The following CHRM3 variants were observed in gnomAD, a reference collection of about 807,000 sequenced individuals.
CHRM3 encodes muscarinic acetylcholine receptor M3.
CHRM3 carries 11 observed loss-of-function variants against 41.8 expected under a neutral mutation model. The ratio of observed to expected loss-of-function variants is 0.26; its 90% CI spans 0.17 to 0.44. CHRM3 has a LOEUF of 0.44. Among genes scored for constraint, CHRM3 ranks in the 20% least tolerant of loss-of-function variants. The pLI is 1.00. For missense variants in CHRM3, 571 were observed against 745.4 expected, an observed-to-expected ratio of 0.77 and a Z score of 2.72; for synonymous variants, 297 against 301.4, an observed-to-expected ratio of 0.99 and a Z score of 0.15.
chr1:239,839,305 A>G (rs1421672251), intron 6 of CHRM3, among the ~76,000 whole-genome samples: 2 of 152,216 alleles, frequency 1.3e-5, no homozygotes, highest in South Asian at 2.1e-4. Flanking sequence ...AGATGATTCA[A>G]TAGTGTGTTG....
intron 5 of CHRM3, among the ~76,000 whole-genome samples, chr1:239,690,965 C>T (rs914201544): frequency 2.7e-4 from 41 of 151,914 alleles, no homozygotes; most frequent in African/African-American, 1.9e-4. Context: ...ACCCCAGCTG[C>T]GGGTAGCAGA....
At chr1:239,876,460 A>G (rs1458849697) in intron 6 of CHRM3, among the ~76,000 whole-genome samples, 3 of 152,190 alleles carry the variant, frequency 2.0e-5, no homozygotes, top group African/African-American at 7.2e-5. Flanking sequence ...CCCTAACTGG[A>G]ACGTGGAAAG....
chr1:239,510,984 A>G (rs1668882023), intron 2 of CHRM3, among the ~76,000 whole-genome samples: 1 of 152,208 alleles, frequency 6.6e-6, no homozygotes, highest in South Asian at 2.1e-4. Context: ...AGACTACAGC[A>G]ACGACAGAAA....
chr1:239,672,820 A>T (rs1674513135), intron 4 of CHRM3, among the ~76,000 whole-genome samples: 1 of 152,072 alleles, frequency 6.6e-6, no homozygotes, highest in South Asian at 2.1e-4. Flanking sequence ...AAACTTAGGG[A>T]GTGCCTGTGT....
intron 5 of CHRM3, among the ~76,000 whole-genome samples, chr1:239,801,590 T>C (rs1240561313): frequency 2.0e-5 from 3 of 152,178 alleles, no homozygotes; most frequent in South Asian, 2.1e-4. Context: ...TCTAGGCTCA[T>C]AGAAAATCAA....
chr1:239,473,263 G>GAAAAAA (rs200627399), intron 1 of CHRM3, among the ~76,000 whole-genome samples: 2 of 80,498 alleles, frequency 2.5e-5, no homozygotes, highest in African/African-American at 8.0e-5. Flanking sequence ...AAGCATATTT[G>GAAAAAA]AAAAAAAAAA....
chr1:239,792,855 A>G (rs1669460928), intron 5 of CHRM3, among the ~76,000 whole-genome samples: 1 of 152,194 alleles, frequency 6.6e-6, no homozygotes, highest in Non-Finnish European at 1.5e-5. Context: ...TGAGTGACAC[A>G]TGTGTGATTT....
chr1:239,741,370 C>T (rs1312373235), intron 5 of CHRM3, among the ~76,000 whole-genome samples: 1 of 152,110 alleles, frequency 6.6e-6, no homozygotes, highest in East Asian at 1.9e-4. Flanking sequence ...TCCTGGCGTT[C>T]CTGAATACTT....
chr1:239,414,143 T>C (rs926363612), intron 1 of CHRM3, among the ~76,000 whole-genome samples: 4 of 152,208 alleles, frequency 2.6e-5, no homozygotes, highest in African/African-American at 9.7e-5. Context: ...TAAATGTGTT[T>C]GTGTCTGAAT....
intron 5 of CHRM3, among the ~76,000 whole-genome samples, chr1:239,687,787 A>G (rs1659293756): frequency 6.6e-6 from 1 of 152,140 alleles, no homozygotes; most frequent in South Asian, 2.1e-4. Context: ...TGCCTACAAT[A>G]CTCAGTATAG....
chr1:239,398,035 A>G (rs1179300033), intron 1 of CHRM3, among the ~76,000 whole-genome samples: 6 of 152,178 alleles, frequency 3.9e-5, no homozygotes, highest in East Asian at 1.9e-4. Flanking sequence ...TTTAAGAAAT[A>G]GTTCTGTTGT....
intron 1 of CHRM3, among the ~76,000 whole-genome samples, chr1:239,481,704 G>A (rs771999857): frequency 2.6e-5 from 4 of 152,186 alleles, no homozygotes; most frequent in Non-Finnish European, 4.4e-5. Context: ...TGTAGTGTGG[G>A]AGATGATATT....
intron 2 of CHRM3, among the ~76,000 whole-genome samples, chr1:239,493,688 A>G (rs1009796156): frequency 2.6e-5 from 4 of 152,220 alleles, no homozygotes; most frequent in Admixed American, 2.6e-4. Flanking sequence ...GGAACTACCT[A>G]TAAGGAAGAA....
rs188496920 is a variant in CHRM3 at position 239,867,893 on chromosome 1, C to G, written c.-19-39540C>G. 5.7e-4 allele frequency among the ~76,000 whole-genome samples: 87 copies of G among 152,248 alleles called. 4 individuals carry two copies. The highest frequency in any genetic ancestry group is 2.3e-3 in the South Asian group (11 of 4,814). On this transcript the variant is annotated intron_variant, in intron 6 of 6. Coordinates refer to ENST00000676153, the MANE Select transcript of CHRM3 (RefSeq NM_001375978.1). ...TGTAACTGGCAACAACCCCAGTCCC[C>G]GGAAGTGACAGGCACCAGATTTCTC...
chr1:239,658,311 T>C (rs1288113350), intron 4 of CHRM3, among the ~76,000 whole-genome samples: 1 of 152,214 alleles, frequency 6.6e-6, no homozygotes, highest in Non-Finnish European at 1.5e-5. Flanking sequence ...GTTGTATTTC[T>C]CATAATAACT....
intron 4 of CHRM3, among the ~76,000 whole-genome samples, chr1:239,670,771 A>ACC (rs3063600): frequency 0.11 from 16,714 of 150,294 alleles, 1,041 homozygotes; most frequent in South Asian, 0.23. Flanking sequence ...CAGGTGATCT[A>ACC]CCCCCCCCAC....
intron 5 of CHRM3, among the ~76,000 whole-genome samples, chr1:239,685,383 C>G (rs1659033684): frequency 6.6e-6 from 1 of 152,170 alleles, no homozygotes; most frequent in Admixed American, 6.5e-5. Context: ...CTATTAGTGG[C>G]AATTCATTGG....
At chr1:239,760,063 C>G (rs1386785582) in intron 5 of CHRM3, among the ~76,000 whole-genome samples, 2 of 149,048 alleles carry the variant, frequency 1.3e-5, no homozygotes, top group Non-Finnish European at 3.0e-5. Context: ...TACAGGCACC[C>G]GCCACCACAC....
chr1:239,902,814 T>C (rs2103022969), intron 6 of CHRM3, among the ~76,000 whole-genome samples: 1 of 152,336 alleles, frequency 6.6e-6, no homozygotes, highest in South Asian at 2.1e-4. Context: ...TTGTATCACA[T>C]GGGTAAGCAA....
Sources: gnomAD v4.1 joint callset for allele counts (sites outside exome capture counted in the v4.1 genomes callset) on GRCh38, gnomAD v4.1.1 for gene constraint, MANE v1.5 for transcripts, NCBI Gene and HGNC (gene_info 2026-07-23, HGNC 2026-07-21) for gene names.